Variants in ATG2B observed in about 807,000 individuals in gnomAD.
ATG2B encodes autophagy related 2B.
ATG2B carries 121 observed loss-of-function variants against 241.3 expected under a neutral mutation model. The observed-to-expected ratio is 0.50, with a 90% CI of 0.43 to 0.58. ATG2B has a LOEUF of 0.58. ATG2B is among the 20% of genes least tolerant of loss of function. The pLI, the probability that ATG2B is intolerant of heterozygous loss-of-function variation, is 0.00. For missense variants in ATG2B, 2,306 were observed against 2,491.6 expected (o/e 0.93, Z 1.59); for synonymous variants, 858 against 876.6 (o/e 0.98, Z 0.37).
intron 35 of ATG2B, 66 bp downstream of exon 35, chr14:96,295,416 G>C: frequency 8.9e-7 from 1 of 1,120,094 alleles, no homozygotes. Context: ...TCTCAAAAAA[G>C]CCTCATAACA....
In ATG2B at chr14:96,311,547, C is replaced by G. The variant is rs766538309; in HGVS notation, c.3985G>C (p.Glu1329Gln). Residue 1329 changes from glutamate (E) to glutamine (Q), a missense_variant, in exon 27 of 42, where the codon GAG becomes CAG. Physicochemically the swap from Glu to Gln is conservative, Grantham distance 29. Around this residue, in one of 2 missense-constraint regions of ATG2B, gnomAD observed 1,927 missense variants for 2,011.2 expected, o/e 0.96. Coordinates refer to ENST00000359933, the MANE Select transcript of ATG2B (RefSeq NM_018036.7). Reference sequence around the variant, plus strand: ...CATTTATTTTAATAACTCACTTGCTCTCCATCAGAATCAGACTTCACTGCA... The same window carrying G: ...CATTTATTTTAATAACTCACTTGCTGTCCATCAGAATCAGACTTCACTGCA... ...ITAVKSDSDG[E>Q]QTEPRFELHC... 6.2e-7 allele frequency: 1 copy of G among 1,600,072 alleles called. No homozygotes were observed. The highest frequency in any genetic ancestry group is 1.3e-5 in the African/African-American group (1 of 74,728).
chr14:96,308,260 A>ACG (rs1887036929), intron 29 of ATG2B, among the ~76,000 whole-genome samples: 2 of 17,240 alleles, frequency 1.2e-4, no homozygotes, highest in African/African-American at 4.4e-4. Context: ...ATACACACAT[A>ACG]TATATATATA....
intron 10 of ATG2B, 37 bp downstream of exon 10, chr14:96,332,268 A>T: frequency 6.6e-7 from 1 of 1,516,948 alleles, no homozygotes; most frequent in Non-Finnish European, 9.1e-7. Flanking sequence ...TAAAAATTCC[A>T]GCGGAAACTA....
chr14:96,355,472 T>C (rs1888448813), intron 1 of ATG2B, among the ~76,000 whole-genome samples: 1 of 152,150 alleles, frequency 6.6e-6, no homozygotes, highest in South Asian at 2.1e-4. Context: ...AAACAGCATA[T>C]GTTCAGGTTA....
chr14:96,305,905 A>C lies in ATG2B; in HGVS notation c.4507-90T>G. The C allele has an allele frequency of 5.2e-6, 5 of 963,236 alleles. No homozygotes were observed. The Admixed American group carries it at 1.2e-4, about 24-fold the overall frequency. 59.7% of individuals were successfully genotyped at this position (963,236 alleles called of 1,614,324 possible). A position where few individuals can be genotyped will look rare whatever the true frequency, so the allele number is the denominator to read the frequency against. On this transcript the variant is annotated intron_variant, in intron 30 of 41. Transcript: ENST00000359933. ...CATCTCAAGGGGCATTCTTGCTTCT[A>C]CATTCTTTTTAATAATTCCAGTATA...
chr14:96,354,479 T>C (rs987211500), intron 1 of ATG2B, among the ~76,000 whole-genome samples: 1 of 152,240 alleles, frequency 6.6e-6, no homozygotes, highest in Non-Finnish European at 1.5e-5. Context: ...GGCTGCATAG[T>C]AGTCCACTGT....
At chr14:96,338,909 T>C (rs1237705735) in intron 6 of ATG2B, among the ~76,000 whole-genome samples, 1 of 152,008 alleles carries the variant, frequency 6.6e-6, no homozygotes, top group Non-Finnish European at 1.5e-5. Context: ...ATATCCAGAA[T>C]CTACAAGGAG....
At chr14:96,339,637 C>T (rs993623584) in intron 6 of ATG2B, among the ~76,000 whole-genome samples, 3 of 151,838 alleles carry the variant, frequency 2.0e-5, no homozygotes, top group Admixed American at 6.6e-5. Flanking sequence ...AAACCAAATA[C>T]CATATGTTCT....
Position 96,357,916 on chromosome 14 carries a change from T to C in ATG2B, c.162+4899A>G, listed in dbSNP as rs564979467. ...ATTTTTTGTAATGAGCATATATTAATTGTATAGTAAAAATGAACTATTAAA... is the reference window on the plus strand; with the variant it reads ...ATTTTTTGTAATGAGCATATATTAACTGTATAGTAAAAATGAACTATTAAA... On this transcript the variant is annotated intron_variant, in intron 1 of 41. Transcript: ENST00000359933. Among the ~76,000 whole-genome samples the C allele has an allele frequency of 1.9e-4, 29 of 152,318 alleles. No individual in the cohort carries two copies. In the South Asian group the frequency reaches 4.6e-3, roughly 24 times the overall value.
At chr14:96,294,850 A>T in intron 36 of ATG2B, 110 bp downstream of exon 36, 1 of 868,868 alleles carries the variant, frequency 1.2e-6, no homozygotes, top group Non-Finnish European at 1.8e-6. Context: ...ATGATTTGGC[A>T]GTGCAAAGAA....
intron 1 of ATG2B, among the ~76,000 whole-genome samples, chr14:96,357,758 T>C (rs962550466): frequency 3.9e-5 from 6 of 152,116 alleles, no homozygotes; most frequent in East Asian, 1.9e-4. Flanking sequence ...AAAAGGTAAG[T>C]AGAACTGCTT....
rs1156661709 is a variant in ATG2B, at chr14:96,363,092, C to G, written c.-116G>C. The G allele has an allele frequency of 8.1e-7, 1 of 1,227,556 alleles. No individual in the cohort carries two copies. Among genetic ancestry groups the G allele is most frequent in the Non-Finnish European group, 1.2e-6 (1 of 850,906 alleles). The allele number at this position is 1,227,556 out of a possible 1,614,324, so 76.0% of individuals were successfully genotyped here. ...CCTAAGCCTGGGGCGGCCCCTCCATCCCTATTTGGTGCCGGGAGTCCCTCA... is the reference window on the plus strand; with the variant it reads ...CCTAAGCCTGGGGCGGCCCCTCCATGCCTATTTGGTGCCGGGAGTCCCTCA... On this transcript the variant is annotated 5_prime_UTR_variant, in exon 1 of 42. Transcript: ENST00000359933.
intron 10 of ATG2B, 74 bp from the exon 11 acceptor site, chr14:96,331,711 CATTT>C (rs1237579519): frequency 1.7e-6 from 2 of 1,156,540 alleles, no homozygotes; most frequent in Admixed American, 5.2e-5. Flanking sequence ...AACATTTACT[CATTT>C]ATTAGCTTTA....
At chr14:96,308,219 A>AATATATATATACATATATAT (rs1887013208) in intron 29 of ATG2B, among the ~76,000 whole-genome samples, 4 of 74,034 alleles carry the variant, frequency 5.4e-5, no homozygotes, top group East Asian at 2.9e-4. Flanking sequence ...TAAATACATA[A>AATATATATATACATATATAT]ATATATATAT....
chr14:96,332,773 C>A (rs756726280), intron 8 of ATG2B, 118 bp from the exon 9 acceptor site: 2 of 724,804 alleles, frequency 2.8e-6, no homozygotes, highest in Admixed American at 4.0e-5. Flanking sequence ...TACAGCGATG[C>A]CCCAAATTTT....
intron 6 of ATG2B, among the ~76,000 whole-genome samples, chr14:96,339,270 C>T (rs1408011437): frequency 9.2e-6 from 1 of 108,926 alleles, no homozygotes; most frequent in African/African-American, 4.0e-5. Context: ...AGCAATTCCA[C>T]AGTGTGTGTG....
chr14:96,313,332 T>C lies in ATG2B; in HGVS notation c.3746A>G (p.Tyr1249Cys), dbSNP rs756593235. ...TTTGTTCCATTTGTGAACTTACCTA[T>C]AATCAAGTGCACAGCTCCAAAGATG... ...HVHLWSCALDYRPLYLPIRSL... is the reference protein window; with the variant it reads ...HVHLWSCALDCRPLYLPIRSL... Residue 1249 changes from tyrosine to cysteine, a missense_variant, in exon 24 of 42, where the codon TAT (tyrosine) becomes TGT (cysteine). Tyr to Cys is a radical substitution (Grantham distance 194). This residue lies in a region of ATG2B where 1,927 missense variants were observed against 2,011.2 expected (regional missense o/e 0.96). Transcript: ENST00000359933. 9.5e-6 allele frequency: 15 copies of C among 1,575,202 alleles called. No individual in the cohort carries two copies. The Admixed American group carries it at 1.6e-4, about 17-fold the overall frequency.
intron 5 of ATG2B, among the ~76,000 whole-genome samples, chr14:96,342,893 A>ATTTTCC (rs1483764140): frequency 6.6e-6 from 1 of 152,094 alleles, no homozygotes; most frequent in East Asian, 1.9e-4. Flanking sequence ...AAGATACAGT[A>ATTTTCC]CCCAACATTT....
chr14:96,286,359 T>A (rs754708212), intron 41 of ATG2B, among the ~76,000 whole-genome samples: 5 of 152,204 alleles, frequency 3.3e-5, no homozygotes, highest in Non-Finnish European at 7.3e-5. Flanking sequence ...ATGGTGATAG[T>A]TCCCTTTGAT....
Sources: allele counts gnomAD v4.1 joint callset (sites outside exome capture counted in the v4.1 genomes callset), GRCh38; gene constraint gnomAD v4.1.1; regional missense constraint gnomAD v4.1.1; transcripts MANE v1.5; gene names NCBI Gene and HGNC (gene_info 2026-07-23, HGNC 2026-07-21).